The following TBCK variants were observed in gnomAD, a reference collection of about 807,000 sequenced individuals.
TBCK encodes the protein TBC1 domain containing kinase.
Under a neutral mutation model 113.4 loss-of-function variants are expected in TBCK, and 99 were observed. That is an observed-to-expected ratio of 0.87 (90% CI 0.74 to 1.03). The LOEUF (loss-of-function observed/expected upper bound fraction) is 1.03. Ranked by LOEUF, TBCK falls within the 50% of genes least tolerant of loss-of-function variation. TBCK has a pLI of 0.00. For missense variants in TBCK, 1,045 were observed against 1,061.3 expected (o/e 0.98, Z 0.21); for synonymous variants, 369 against 370.8 (o/e 1.00, Z 0.05).
At chr4:106,278,216 T>C (rs561850715) in intron 3 of TBCK, among the ~76,000 whole-genome samples, 18 of 152,214 alleles carry the variant, frequency 1.2e-4, no homozygotes, top group African/African-American at 4.1e-4. Flanking sequence ...AATGAAGTTT[T>C]TCAGGCAGAA....
At chr4:106,057,193 C>A (rs1405931568) in intron 25 of TBCK, among the ~76,000 whole-genome samples, 1 of 151,540 alleles carries the variant, frequency 6.6e-6, no homozygotes, top group Middle Eastern at 3.2e-3. Context: ...TGAGGGCTAC[C>A]AACTATTTAG....
At chr4:106,183,981 A>T (rs945262746) in intron 22 of TBCK, among the ~76,000 whole-genome samples, 1 of 152,154 alleles carries the variant, frequency 6.6e-6, no homozygotes, top group East Asian at 1.9e-4. Context: ...GGAAAAAAAG[A>T]GCCATTCTAA....
At chr4:106,059,619 C>A (rs1373779837) in intron 25 of TBCK, among the ~76,000 whole-genome samples, 2 of 151,550 alleles carry the variant, frequency 1.3e-5, no homozygotes, top group African/African-American at 4.8e-5. Flanking sequence ...CTTAAGCCTC[C>A]CTATTTCCTG....
At chr4:106,159,970 C>T (rs1377261684) in intron 23 of TBCK, among the ~76,000 whole-genome samples, 2 of 151,936 alleles carry the variant, frequency 1.3e-5, no homozygotes, top group South Asian at 4.1e-4. Flanking sequence ...AATAAACCCT[C>T]CTATATATGG....
chr4:106,151,728 A>G (rs569914656), intron 23 of TBCK, among the ~76,000 whole-genome samples: 1 of 152,162 alleles, frequency 6.6e-6, no homozygotes, highest in South Asian at 2.1e-4. Context: ...ATGAACATGG[A>G]ATCTCTTTCC....
intron 25 of TBCK, among the ~76,000 whole-genome samples, chr4:106,076,025 A>T (rs1373952735): frequency 1.3e-5 from 2 of 152,214 alleles, no homozygotes; most frequent in Non-Finnish European, 2.9e-5. Context: ...TGGTGTTTCA[A>T]TCCTGGCTCT....
intron 24 of TBCK, among the ~76,000 whole-genome samples, chr4:106,097,189 A>G (rs1244071315): frequency 6.6e-6 from 1 of 152,212 alleles, no homozygotes; most frequent in African/African-American, 2.4e-5. Flanking sequence ...ATGCTTCACA[A>G]AATATGACGG....
At chr4:106,207,032 T>A (rs1304729712) in intron 20 of TBCK, among the ~76,000 whole-genome samples, 1 of 152,190 alleles carries the variant, frequency 6.6e-6, no homozygotes, top group Non-Finnish European at 1.5e-5. Flanking sequence ...TAAGAATGAA[T>A]CATACTTTCC....
chr4:106,260,546 TTTA>T (rs1459995945), intron 4 of TBCK, 36 bp from the exon 5 acceptor site: 4 of 639,468 alleles, frequency 6.3e-6, no homozygotes, highest in Non-Finnish European at 9.7e-6. Flanking sequence ...TATCAAATAA[TTTA>T]TTATAATTGG....
At chr4:106,066,590 G>A (rs1320798529) in intron 25 of TBCK, among the ~76,000 whole-genome samples, 3 of 151,494 alleles carry the variant, frequency 2.0e-5, no homozygotes, top group African/African-American at 4.8e-5. Context: ...TTTTAAGTAC[G>A]CTTGCAATAC....
intron 24 of TBCK, among the ~76,000 whole-genome samples, chr4:106,109,946 C>A (rs2149551407): frequency 6.6e-6 from 1 of 152,202 alleles, no homozygotes; most frequent in South Asian, 2.1e-4. Context: ...TGAAGGCAGC[C>A]AAACCCTCTT....
chr4:106,302,555 C>T (rs997602150), intron 2 of TBCK, among the ~76,000 whole-genome samples: 8 of 152,012 alleles, frequency 5.3e-5, no homozygotes, highest in Non-Finnish European at 8.8e-5. Context: ...GAAAAAACCC[C>T]AAATACATAA....
At chr4:106,195,046 T>C (rs566797229) in intron 20 of TBCK, among the ~76,000 whole-genome samples, 29 of 152,226 alleles carry the variant, frequency 1.9e-4, no homozygotes, top group African/African-American at 6.7e-4. Flanking sequence ...TACCTCACTT[T>C]TGTTTTCTGT....
At chr4:106,051,733 T>C (rs1284727085) in intron 25 of TBCK, among the ~76,000 whole-genome samples, 1 of 151,856 alleles carries the variant, frequency 6.6e-6, no homozygotes, top group Non-Finnish European at 1.5e-5. Context: ...ATATTTGAGA[T>C]GAAAAACAGA....
chr4:106,312,352 A>T (rs1401319678), intron 1 of TBCK, among the ~76,000 whole-genome samples: 2 of 152,214 alleles, frequency 1.3e-5, no homozygotes, highest in Non-Finnish European at 2.9e-5. Context: ...AATAATAAGC[A>T]CATGAAAAAG....
At chr4:106,104,899 C>T (rs1324043369) in intron 24 of TBCK, among the ~76,000 whole-genome samples, 1 of 152,232 alleles carries the variant, frequency 6.6e-6, no homozygotes, top group Non-Finnish European at 1.5e-5. Flanking sequence ...CATACTGCAG[C>T]AGCCCTACAG....
chr4:106,247,492 G>A, intron 9 of TBCK: 1 of 477,844 alleles, frequency 2.1e-6, no homozygotes, highest in East Asian at 4.0e-5. Context: ...TTTTACTTAT[G>A]TTGTACTTTA....
chr4:106,186,507 T>G (rs182869273), intron 22 of TBCK, among the ~76,000 whole-genome samples: 128 of 152,348 alleles, frequency 8.4e-4, no homozygotes, highest in Non-Finnish European at 1.8e-4. Context: ...TTTTTTCATA[T>G]GCTTGTTGGC....
chr4:106,060,426 C>G (rs1255321893), intron 25 of TBCK, among the ~76,000 whole-genome samples: 2 of 151,782 alleles, frequency 1.3e-5, no homozygotes, highest in East Asian at 3.9e-4. Context: ...TCTACTCTGC[C>G]TGTGTTCTAT....
Sources: gnomAD v4.1 joint callset for allele counts (sites outside exome capture counted in the v4.1 genomes callset) on GRCh38, gnomAD v4.1.1 for gene constraint, MANE v1.5 for transcripts, NCBI Gene and HGNC (gene_info 2026-07-23, HGNC 2026-07-21) for gene names.